Variants in ANGPT4 observed in about 807,000 individuals in gnomAD.
ANGPT4 encodes angiopoietin 4, also known as angiopoietin-4.
Under a neutral mutation model 53.0 loss-of-function variants are expected in ANGPT4, and 50 were observed. The ratio of observed to expected loss-of-function variants is 0.94; its 90% CI spans 0.75 to 1.20. The LOEUF is 1.20. Ranked by LOEUF, ANGPT4 falls within the 50% of genes most tolerant of loss-of-function variation. ANGPT4 has a pLI of 0.00. For missense variants in ANGPT4, 648 were observed against 637.1 expected (o/e 1.02, Z -0.18); for synonymous variants, 251 against 259.7 (o/e 0.97, Z 0.32).
In ANGPT4 at chr20:916,065, G is replaced by A; in HGVS notation, c.150C>T (p.Pro50=). ...GCCCCGGAGGGCAGGGCTCAGACTT[G>A]GGCAGCAAGAAGGTGTAGCTACAGT... ...HGHCSYTFLL[P]KSEPCPPGPE... is the part of the protein sequence containing the mutation. The change falls in exon 1 of 9, where the codon CCC becomes CCT. Residue 50 remains proline (P), a synonymous_variant. Transcript: ENST00000381922. 1.2e-6 allele frequency: 2 copies of A among 1,614,174 alleles called. No individual in the cohort carries two copies. The highest frequency in any genetic ancestry group is 1.3e-5 in the African/African-American group (1 of 75,038).
Position 870,171 on chromosome 20 carries a change from C to G in ANGPT4, c.*2789G>C, listed in dbSNP as rs1980885284. ...ATTCCTTAGGGCTAGAATTTCTATC[C>G]CTTATACCTGAGTCCTGGCATGGAA... is the stretch of plus-strand genomic sequence containing the variant. On this transcript the variant is annotated 3_prime_UTR_variant, in exon 9 of 9. Coordinates refer to ENST00000381922, the MANE Select transcript of ANGPT4 (RefSeq NM_015985.4). 6.6e-6 allele frequency: 1 copy of G among 152,194 alleles called. No individual in the cohort carries two copies. Among genetic ancestry groups the G allele is most frequent in the South Asian group, 2.1e-4 (1 of 4,824 alleles). 9.4% of individuals were successfully genotyped at this position (152,194 alleles called of 1,614,324 possible).
Position 914,338 on chromosome 20 carries a change from A to C in ANGPT4, c.309+1568T>G, listed in dbSNP as rs943529061. On this transcript the variant is annotated intron_variant, in intron 1 of 8. Transcript: ENST00000381922. The surrounding 1 kb of genome is among the most constrained non-coding windows in gnomAD (Gnocchi z 5.0). ...GTGGTTATTTCGTACGGGGAGGACA[A>C]GGAGGGCCTCTGGGGAGATGGCGCT... 2.0e-5 allele frequency among the ~76,000 whole-genome samples: 3 copies of C among 152,130 alleles called. No individual in the cohort carries two copies. Among genetic ancestry groups the C allele is most frequent in the Admixed American group, 6.5e-5 (1 of 15,280 alleles).
chr20:881,385 G>A, intron 4 of ANGPT4, 99 bp from the exon 5 acceptor site: 3 of 1,020,842 alleles, frequency 2.9e-6, no homozygotes. Flanking sequence ...GTTCTGGGTT[G>A]GGAGGTGCTG....
chr20:897,004 C>T (rs904965745), intron 1 of ANGPT4, among the ~76,000 whole-genome samples: 8 of 152,162 alleles, frequency 5.3e-5, no homozygotes, highest in African/African-American at 1.9e-4. Flanking sequence ...GACATTCCTT[C>T]TCCTGGACAA....
chr20:879,651 G>A, intron 6 of ANGPT4, 96 bp downstream of exon 6: 1 of 932,320 alleles, frequency 1.1e-6, no homozygotes, highest in Non-Finnish European at 1.6e-6. Context: ...ATTTTTTCTG[G>A]GGGAGGAATG....
At chr20:904,313 C>T (rs1362686309) in intron 1 of ANGPT4, among the ~76,000 whole-genome samples, 1 of 152,174 alleles carries the variant, frequency 6.6e-6, no homozygotes, top group African/African-American at 2.4e-5. Context: ...GCCCTTCAGG[C>T]TACAAAAACC....
intron 1 of ANGPT4, among the ~76,000 whole-genome samples, chr20:915,066 C>A (rs1325767919): frequency 6.6e-6 from 1 of 152,236 alleles, no homozygotes; most frequent in African/African-American, 2.4e-5. Flanking sequence ...CGGTACCTTG[C>A]ACCTGATGGC....
chr20:876,958 G>A (rs1001282560), intron 7 of ANGPT4, among the ~76,000 whole-genome samples: 1 of 152,158 alleles, frequency 6.6e-6, no homozygotes, highest in African/African-American at 2.4e-5. Context: ...GAGGTGGGAA[G>A]GTCACTGGAG....
rs541897985 is a variant in ANGPT4, at chr20:889,653, G to A, written c.465+560C>T. Among the ~76,000 whole-genome samples, 261 of 152,264 alleles carry A rather than the reference G, an allele frequency of 1.7e-3. 1 individual carries two copies. Among genetic ancestry groups the A allele is most frequent in the African/African-American group, 6.0e-3 (250 of 41,554 alleles). On this transcript the variant is annotated intron_variant, in intron 2 of 8. Transcript: ENST00000381922. ...GGGGAAGCTTCACAGGAGTAGGAAT[G>A]TATGCCTGCTTTGTTTCCTGCTGTA...
chr20:881,815 G>C (rs796719002), intron 4 of ANGPT4, among the ~76,000 whole-genome samples: 68 of 152,372 alleles, frequency 4.5e-4, no homozygotes, highest in African/African-American at 1.6e-3. Context: ...ACTCTGTCCA[G>C]AGTGTGGAGG....
Position 885,552 on chromosome 20 carries a change from A to G in ANGPT4, c.588-227T>C, listed in dbSNP as rs996894252. Among the ~76,000 whole-genome samples, 6 of 152,306 alleles carry G rather than the reference A, an allele frequency of 3.9e-5. No individual in the cohort carries two copies. In the East Asian group the frequency reaches 1.2e-3, roughly 29 times the overall value. The stretch of plus-strand genomic sequence containing the variant: ...GGAAGAAAGAGGTGGTGTGGGAGGG[A>G]CACCAGCAACTGGGTAGCTATTATC... On this transcript the variant is annotated intron_variant, in intron 3 of 8. Coordinates refer to ENST00000381922, the MANE Select transcript of ANGPT4 (RefSeq NM_015985.4).
At chr20:877,144 G>A (rs1266876821) in intron 7 of ANGPT4, among the ~76,000 whole-genome samples, 2 of 152,260 alleles carry the variant, frequency 1.3e-5, no homozygotes, top group Non-Finnish European at 2.9e-5. Flanking sequence ...GTTCCCAGAA[G>A]TGGAATCAGG....
chr20:896,048 G>A (rs1317072538), intron 1 of ANGPT4, among the ~76,000 whole-genome samples: 1 of 152,062 alleles, frequency 6.6e-6, no homozygotes. Flanking sequence ...CTGTACGTGG[G>A]TCATACCTCA....
chr20:910,361 A>G (rs1982650252), intron 1 of ANGPT4, among the ~76,000 whole-genome samples: 1 of 152,150 alleles, frequency 6.6e-6, no homozygotes, highest in Non-Finnish European at 1.5e-5. Flanking sequence ...TCCTCCACTC[A>G]TTCTGGGAGG....
At chr20:904,149 A>G (rs970516773) in intron 1 of ANGPT4, among the ~76,000 whole-genome samples, 3 of 152,326 alleles carry the variant, frequency 2.0e-5, no homozygotes, top group Admixed American at 6.5e-5. Context: ...CCAAGGAACA[A>G]AAAGGAGTGA....
chr20:878,135 C>G (rs1981242178), intron 7 of ANGPT4, 26 bp downstream of exon 7: 5 of 1,572,470 alleles, frequency 3.2e-6, no homozygotes, highest in South Asian at 1.1e-5. Context: ...CCCCAGCCCC[C>G]ACAACGGCCT....
chr20:910,333 G>A (rs1381130009), intron 1 of ANGPT4, among the ~76,000 whole-genome samples: 2 of 152,160 alleles, frequency 1.3e-5, no homozygotes, highest in Admixed American at 6.5e-5. Flanking sequence ...TACTCATTAC[G>A]TCATAACTGC....
In ANGPT4 at chr20:888,344, C is replaced by T. The variant is rs745600941; in HGVS notation, c.561G>A (p.Lys187=). 1.9e-6 allele frequency: 3 copies of T among 1,613,868 alleles called. No homozygotes were observed. The highest frequency in any genetic ancestry group is 2.5e-6 in the Non-Finnish European group (3 of 1,179,968). ...TGTTTTGGCCCTGAAGCTGCTGGAG[C>T]TTCTGCCTCTGTAGCAGCAGCTGGT... ...LENQLLLQRQ[K]LQQLQGQNSA... The change falls in exon 3 of 9, where the codon AAG becomes AAA. Residue 187 remains lysine (K), a synonymous_variant. Transcript: ENST00000381922.
At chr20:884,511 G>A (rs549309392) in intron 4 of ANGPT4, among the ~76,000 whole-genome samples, 1 of 152,338 alleles carries the variant, frequency 6.6e-6, no homozygotes, top group East Asian at 1.9e-4. Context: ...CCCCAAGTAG[G>A]CCGTGTTAGA....
Sources: allele counts gnomAD v4.1 joint callset (sites outside exome capture counted in the v4.1 genomes callset), GRCh38; gene constraint gnomAD v4.1.1; non-coding constraint Gnocchi (gnomAD v3.1); transcripts MANE v1.5; gene names NCBI Gene and HGNC (gene_info 2026-07-23, HGNC 2026-07-21).